The following NPHP3 variants were observed in gnomAD, a reference collection of about 807,000 sequenced individuals.
The protein encoded by NPHP3 is nephrocystin-3.
In NPHP3, 123 loss-of-function variants were observed where a neutral mutation model predicts 171.9. The ratio of observed to expected loss-of-function variants is 0.72; its 90% CI spans 0.62 to 0.83. The LOEUF (loss-of-function observed/expected upper bound fraction) is 0.83, where lower values mean the gene tolerates loss of function less well. NPHP3 is among the 40% of genes least tolerant of loss of function. NPHP3 has a pLI of 0.00. For synonymous variants in NPHP3, 558 were observed against 579.2 expected (o/e 0.96, Z 0.52); for missense variants, 1,506 against 1,591.9 (o/e 0.95, Z 0.92).
chr3:132,689,768 A>G (rs1242676377), intron 19 of NPHP3, among the ~76,000 whole-genome samples: 1 of 152,248 alleles, frequency 6.6e-6, no homozygotes, highest in Non-Finnish European at 1.5e-5. Context: ...TGACAAAAGT[A>G]AGCTTATTCA....
chr3:132,712,360 T>C (rs745845971), intron 6 of NPHP3: 1 of 453,052 alleles, frequency 2.2e-6, no homozygotes, highest in Admixed American at 2.4e-5. Context: ...AATTAGGGGT[T>C]ATCAACTTTT....
In NPHP3 at chr3:132,691,188, A is replaced by T; in HGVS notation, c.2570+4T>A. 6.2e-7 allele frequency: 1 copy of T among 1,605,348 alleles called. No homozygotes were observed. Among genetic ancestry groups the T allele is most frequent in the Non-Finnish European group, 8.5e-7 (1 of 1,172,226 alleles). On this transcript the variant is annotated splice_donor_region_variant and intron_variant, in intron 18 of 26. Transcript: ENST00000337331. ...CAGAAGAACAACAGGAACATTTACA[A>T]TACCTTAGCTGCAAGGTGAAATAGT...
At chr3:132,711,606 C>T (rs990058619) in intron 6 of NPHP3, among the ~76,000 whole-genome samples, 21 of 151,680 alleles carry the variant, frequency 1.4e-4, no homozygotes, top group Non-Finnish European at 2.8e-4. Context: ...CTCTGTCACC[C>T]AGAAAGTTTC....
intron 7 of NPHP3, 91 bp from the exon 8 acceptor site, chr3:132,705,905 A>G (rs886593311): frequency 4.5e-5 from 32 of 718,872 alleles, no homozygotes; most frequent in Admixed American, 2.6e-4. Flanking sequence ...TGTGACAGGA[A>G]CTATTCTAAA....
intron 3 of NPHP3, chr3:132,717,865 T>A (rs1281026872): frequency 4.7e-6 from 1 of 210,668 alleles, no homozygotes; most frequent in Non-Finnish European, 9.6e-6. Flanking sequence ...TCAAGTGATT[T>A]TCCTGCCTCA....
intron 5 of NPHP3, among the ~76,000 whole-genome samples, chr3:132,714,884 T>TA (rs572887734): frequency 3.0e-4 from 45 of 152,282 alleles, no homozygotes; most frequent in Non-Finnish European, 5.3e-4. Context: ...AATAAATAAA[T>TA]AAACTCTCAA....
intron 6 of NPHP3, among the ~76,000 whole-genome samples, chr3:132,711,502 A>C (rs1024448981): frequency 6.6e-6 from 1 of 152,072 alleles, no homozygotes; most frequent in Non-Finnish European, 1.5e-5. Flanking sequence ...TAAAATTGGA[A>C]AAGAAAAATA....
At chr3:132,720,767 C>A (rs998424404) in intron 1 of NPHP3, among the ~76,000 whole-genome samples, 1 of 152,026 alleles carries the variant, frequency 6.6e-6, no homozygotes, top group Admixed American at 6.6e-5. Context: ...TATTTCACCC[C>A]GACTGTAACG....
At position 132,694,235 on chromosome 3, in the gene NPHP3, A is replaced by G. The variant is rs536642972; in HGVS notation, c.2310+592T>C. ...TATTTAGTAAAAAGAACAATTAATT[A>G]TCCATATGACAGAGGATTAAAAAAT... On this transcript the variant is annotated intron_variant, in intron 16 of 26. Coordinates refer to ENST00000337331, the MANE Select transcript of NPHP3 (RefSeq NM_153240.5). 5.3e-5 allele frequency among the ~76,000 whole-genome samples: 8 copies of G among 152,188 alleles called. No individual in the cohort carries two copies. The East Asian group carries it at 1.4e-3, about 26-fold the overall frequency.
rs755555931 is a variant in NPHP3 at position 132,686,385 on chromosome 3, G to A, written c.3204C>T (p.Tyr1068=). 1.7e-5 allele frequency: 27 copies of A among 1,613,798 alleles called. No individual in the cohort carries two copies. The highest frequency in any genetic ancestry group is 2.7e-5 in the African/African-American group (2 of 74,916). Residue 1068 remains tyrosine, a splice_region_variant and synonymous_variant, in exon 23 of 27, where the codon TAC becomes TAT. Transcript: ENST00000337331. ...QKAIKKKGNL[Y]GFALLRRRAL... ...CCCGTCTACGTAAAAGGGCAAATCC[G>A]TACTGCAGCAAACATGAAAAATGAA...
chr3:132,692,959 GATTT>G (rs1485008254), intron 16 of NPHP3, 141 bp from the exon 17 acceptor site: 38 of 718,332 alleles, frequency 5.3e-5, no homozygotes, highest in Middle Eastern at 3.1e-4. Flanking sequence ...TCAAGAAACA[GATTT>G]ATTAAAACAC....
intron 6 of NPHP3, among the ~76,000 whole-genome samples, chr3:132,711,537 A>G (rs1169597381): frequency 6.6e-6 from 1 of 152,138 alleles, no homozygotes; most frequent in Non-Finnish European, 1.5e-5. Flanking sequence ...AGAATAATGT[A>G]TACAATGTTT....
chr3:132,717,095 G>A, intron 3 of NPHP3, 186 bp from the exon 4 acceptor site: 1 of 555,522 alleles, frequency 1.8e-6, no homozygotes, highest in South Asian at 2.5e-5. Context: ...ACATAATTCT[G>A]GTTATCATCT....
chr3:132,715,130 G>A lies in NPHP3; in HGVS notation c.912C>T (p.Leu304=), dbSNP rs1940015287. Residue 304 remains leucine, a synonymous_variant, in exon 5 of 27, where the codon CTC becomes CTT. Transcript: ENST00000337331. ...CAGGCTGGGTTTCATCTGTATAAAT[G>A]AGGTAACATCTGACAGTGTTACTCC... ...SLWSNTVRCY[L]IYTDETQPEM... 1 of 1,612,242 alleles carries A rather than the reference G, an allele frequency of 6.2e-7. No individual in the cohort carries two copies. Among genetic ancestry groups the A allele is most frequent in the African/African-American group, 1.3e-5 (1 of 74,868 alleles).
In NPHP3 at chr3:132,707,954, C is replaced by G. The variant is rs572705712; in HGVS notation, c.1275+147G>C. On this transcript the variant is annotated intron_variant, in intron 7 of 26. Coordinates refer to ENST00000337331, the MANE Select transcript of NPHP3 (RefSeq NM_153240.5). ...TTCTTCACAATCAATGAGGCCCCCT[C>G]TCCTCCTACTCCCCTCACTTATCTG... The G allele has an allele frequency of 2.6e-4, 193 of 737,164 alleles. 1 individual carries two copies. The South Asian group carries it at 3.1e-3, about 12-fold the overall frequency. The allele number at this position is 737,164 out of a possible 1,614,324, so 45.7% of individuals were successfully genotyped here.
At position 132,700,428 on chromosome 3, in the gene NPHP3, T is replaced by C; in HGVS notation, c.1649A>G (p.Asn550Ser). The change falls in exon 11 of 27, where the codon AAT (asparagine) becomes AGT (serine). Residue 550 changes from asparagine to serine, a missense_variant. Physicochemically the swap from Asn to Ser is conservative, Grantham distance 46. Around this residue, in one of 3 missense-constraint regions of NPHP3, gnomAD observed 930 missense variants for 924.9 expected, o/e 1.01. Transcript: ENST00000337331. ...GGAAAGAATCAGTGTGTTGGGGGAA[T>C]TCTTCTGTTGTAATTGAATCCTGAA... ...LSKWIQLQQK[N>S]SPNTLILSHF... 2 of 1,610,656 alleles carry C rather than the reference T, an allele frequency of 1.2e-6. No individual in the cohort carries two copies.
At chr3:132,699,046 C>A (rs1939533360) in intron 13 of NPHP3, among the ~76,000 whole-genome samples, 1 of 152,156 alleles carries the variant, frequency 6.6e-6, no homozygotes, top group African/African-American at 2.4e-5. Context: ...GCATGCGCCA[C>A]CATGCCCAGC....
chr3:132,699,950 T>C lies in NPHP3; in HGVS notation c.1855A>G (p.Ile619Val). 2 of 1,614,178 alleles carry C rather than the reference T, an allele frequency of 1.2e-6. No individual in the cohort carries two copies. Among genetic ancestry groups the C allele is most frequent in the Non-Finnish European group, 1.7e-6 (2 of 1,180,034 alleles). ...KLSARHQGSIIIVIDSIDQVQ... is the reference protein window; with the variant it reads ...KLSARHQGSIVIVIDSIDQVQ... Reference sequence around the variant, plus strand: ...TGATCTATAGAATCAATAACGATGATGATGCTGCCTTGATGACGAGCAGAG... The same window carrying C: ...TGATCTATAGAATCAATAACGATGACGATGCTGCCTTGATGACGAGCAGAG... Residue 619 changes from isoleucine (I) to valine (V), a missense_variant, in exon 12 of 27, where the codon ATC becomes GTC. Ile to Val is a conservative substitution (Grantham distance 29). Coordinates refer to ENST00000337331, the MANE Select transcript of NPHP3 (RefSeq NM_153240.5).
chr3:132,689,380 T>G (rs1259133980), intron 19 of NPHP3, 117 bp from the exon 20 acceptor site: 4 of 1,054,988 alleles, frequency 3.8e-6, no homozygotes, highest in Non-Finnish European at 5.8e-6. Flanking sequence ...GAGTACTGTG[T>G]AATGAGGTAA....
Sources: gnomAD v4.1 joint callset for allele counts (sites outside exome capture counted in the v4.1 genomes callset) on GRCh38, gnomAD v4.1.1 for gene constraint, gnomAD v4.1.1 regional missense constraint, MANE v1.5 for transcripts, NCBI Gene and HGNC (gene_info 2026-07-23, HGNC 2026-07-21) for gene names.